The following TM9SF4 variants were observed in gnomAD, a reference collection of about 807,000 sequenced individuals.
The protein encoded by TM9SF4 is transmembrane 9 superfamily member 4, also known as dinucleotide oxidase disulfide thiol exchanger 3 superfamily member 4.
In TM9SF4, 26 loss-of-function variants were observed where a neutral mutation model predicts 90.4. The ratio of observed to expected loss-of-function variants is 0.29; its 90% CI spans 0.21 to 0.40. TM9SF4 has a LOEUF of 0.40. Among genes scored for constraint, TM9SF4 ranks in the 10% least tolerant of loss-of-function variants. TM9SF4 has a pLI of 1.00. For missense variants in TM9SF4, 549 were observed against 834.8 expected, an observed-to-expected ratio of 0.66 and a Z score of 4.22; for synonymous variants, 293 against 315.4, an observed-to-expected ratio of 0.93 and a Z score of 0.75.
chr20:32,154,485 G>T (rs992467471), intron 12 of TM9SF4, among the ~76,000 whole-genome samples: 1 of 151,330 alleles, frequency 6.6e-6, no homozygotes, highest in South Asian at 2.1e-4. Context: ...ACGGAATCTC[G>T]CTCTGTCGCG....
intron 16 of TM9SF4, among the ~76,000 whole-genome samples, chr20:32,160,576 A>G (rs1319182865): frequency 1.3e-5 from 2 of 152,076 alleles, no homozygotes; most frequent in Admixed American, 6.6e-5. Flanking sequence ...TTCCTCCTCC[A>G]CATGATGGGG....
intron 15 of TM9SF4, chr20:32,159,118 T>C (rs1251948262): frequency 6.6e-6 from 1 of 152,478 alleles, no homozygotes; most frequent in East Asian, 1.9e-4. Context: ...TCGTTGCACC[T>C]GGTTTCATTT....
intron 15 of TM9SF4, among the ~76,000 whole-genome samples, chr20:32,158,801 T>C (rs2046970244): frequency 6.6e-6 from 1 of 151,982 alleles, no homozygotes; most frequent in Admixed American, 6.5e-5. Context: ...TCCAATATGG[T>C]GAAACCCTGT....
intron 12 of TM9SF4, among the ~76,000 whole-genome samples, chr20:32,152,905 T>A (rs901746872): frequency 1.3e-5 from 2 of 152,224 alleles, no homozygotes; most frequent in Non-Finnish European, 2.9e-5. Flanking sequence ...CCTTTCTCCC[T>A]GGAGCTTTTT....
At chr20:32,123,989 A>G (rs974608513) in intron 1 of TM9SF4, among the ~76,000 whole-genome samples, 3 of 151,460 alleles carry the variant, frequency 2.0e-5, no homozygotes, top group African/African-American at 4.9e-5. Flanking sequence ...CAGCCTCCCA[A>G]GTAGCTAGGT....
At chr20:32,148,662 G>C (rs938334332) in intron 9 of TM9SF4, among the ~76,000 whole-genome samples, 2 of 136,112 alleles carry the variant, frequency 1.5e-5, no homozygotes, top group Non-Finnish European at 3.1e-5. Context: ...AAATATTACA[G>C]CTTTTTTTTT....
At chr20:32,159,685 G>C (rs1300268238) in intron 15 of TM9SF4, 1 of 403,258 alleles carries the variant, frequency 2.5e-6, no homozygotes, top group East Asian at 4.6e-5. Flanking sequence ...CCTAGCGCTT[G>C]GTAAGCTGCT....
intron 1 of TM9SF4, among the ~76,000 whole-genome samples, chr20:32,129,307 A>C (rs761944133): frequency 2.9e-4 from 44 of 152,030 alleles, no homozygotes; most frequent in Non-Finnish European, 5.9e-5. Context: ...AGCCTGGGTA[A>C]TATAGGGAGA....
At position 32,149,614 on chromosome 20, in the gene TM9SF4, A is replaced by G. The variant is rs886545829; in HGVS notation, c.955-20A>G. ...GCCTCCATCTTCAACAACCAGCCTCACTCTGGCCCTTCGCTGCAGGAAGAC... is the reference window on the plus strand; with the variant it reads ...GCCTCCATCTTCAACAACCAGCCTCGCTCTGGCCCTTCGCTGCAGGAAGAC... On this transcript the variant is annotated intron_variant, in intron 9 of 17. Coordinates refer to ENST00000398022, the MANE Select transcript of TM9SF4 (RefSeq NM_014742.4). 1 of 1,614,080 alleles carries G rather than the reference A, an allele frequency of 6.2e-7. No homozygotes were observed. The highest frequency in any genetic ancestry group is 8.5e-7 in the Non-Finnish European group (1 of 1,180,004).
At chr20:32,158,027 C>T (rs572393913) in intron 14 of TM9SF4, 58 bp downstream of exon 14, 14 of 1,596,806 alleles carry the variant, frequency 8.8e-6, no homozygotes, top group South Asian at 2.2e-5. Context: ...CGCCCCCCTC[C>T]GCCACCAGAA....
chr20:32,145,812 G>A (rs1484139355), intron 8 of TM9SF4, among the ~76,000 whole-genome samples: 2 of 152,200 alleles, frequency 1.3e-5, no homozygotes, highest in Non-Finnish European at 1.5e-5. Context: ...AAGCAAATAA[G>A]TAGTGGAGTT....
chr20:32,162,571 T>G (rs996447893), intron 17 of TM9SF4, among the ~76,000 whole-genome samples: 8 of 152,166 alleles, frequency 5.3e-5, no homozygotes, highest in Non-Finnish European at 1.0e-4. Flanking sequence ...CTGCAGAAAC[T>G]AAAATATTTA....
chr20:32,163,268 AATAT>A (rs1186662308), intron 17 of TM9SF4, among the ~76,000 whole-genome samples: 140 of 74,432 alleles, frequency 1.9e-3, no homozygotes, highest in Middle Eastern at 7.6e-3. Flanking sequence ...AAAAAAAAAA[AATAT>A]ATATATATAT....
chr20:32,145,456 G>A (rs1022428248), intron 8 of TM9SF4, 33 bp downstream of exon 8: 2 of 1,591,674 alleles, frequency 1.3e-6, no homozygotes, highest in Non-Finnish European at 1.7e-6. Context: ...GAAAGGGGAT[G>A]GGGGTTGGGG....
chr20:32,138,502 C>G (rs946565451), intron 3 of TM9SF4, among the ~76,000 whole-genome samples: 1 of 152,070 alleles, frequency 6.6e-6, no homozygotes, highest in African/African-American at 2.4e-5. Flanking sequence ...ACTAAAAATA[C>G]AAAAATTAGC....
intron 3 of TM9SF4, among the ~76,000 whole-genome samples, chr20:32,139,816 C>T (rs2046645450): frequency 6.6e-6 from 1 of 152,214 alleles, no homozygotes; most frequent in African/African-American, 2.4e-5. Flanking sequence ...TTCAGTGCCT[C>T]CCCCACCCCA....
rs188729704 is a variant in TM9SF4, at chr20:32,135,292, G to A, written c.130-782G>A. On this transcript the variant is annotated intron_variant, in intron 2 of 17. Transcript: ENST00000398022. ...AAATTTCCCATTGCAGGAGCTTTGA[G>A]TTGAAGTTATTTTTCATTTTTCCTC... Among the ~76,000 whole-genome samples, 1,030 of 152,238 alleles carry A rather than the reference G, an allele frequency of 6.8e-3. 13 individuals carry two copies. The highest frequency in any genetic ancestry group is 0.024 in the African/African-American group (988 of 41,546).
chr20:32,159,637 C>T (rs1379924865), intron 15 of TM9SF4: 1 of 222,564 alleles, frequency 4.5e-6, no homozygotes, highest in Admixed American at 5.4e-5. Context: ...CATAGACACA[C>T]ACATGTAGCA....
intron 2 of TM9SF4, among the ~76,000 whole-genome samples, chr20:32,134,263 G>T (rs998088190): frequency 6.6e-6 from 1 of 152,174 alleles, no homozygotes; most frequent in African/African-American, 2.4e-5. Context: ...GACGCCTTGG[G>T]TGGGAAGAGA....
Sources: gnomAD v4.1 joint callset for allele counts (sites outside exome capture counted in the v4.1 genomes callset) on GRCh38, gnomAD v4.1.1 for gene constraint, MANE v1.5 for transcripts, NCBI Gene and HGNC (gene_info 2026-07-23, HGNC 2026-07-21) for gene names.